The following ZDHHC14 variants were observed in gnomAD, a reference collection of about 807,000 sequenced individuals.
ZDHHC14 encodes zDHHC palmitoyltransferase 14.
Under a neutral mutation model 47.7 loss-of-function variants are expected in ZDHHC14, and 16 were observed. The ratio of observed to expected loss-of-function variants is 0.34; its 90% CI spans 0.23 to 0.51. The LOEUF is 0.51. ZDHHC14 is among the 20% of genes least tolerant of loss of function. ZDHHC14 has a pLI of 0.97. For missense variants in ZDHHC14, 515 were observed against 662.5 expected, an observed-to-expected ratio of 0.78 and a Z score of 2.44; for synonymous variants, 293 against 278.9, an observed-to-expected ratio of 1.05 and a Z score of -0.50.
intron 1 of ZDHHC14, among the ~76,000 whole-genome samples, chr6:157,483,328 T>A (rs1779678391): frequency 6.6e-6 from 1 of 152,212 alleles, no homozygotes; most frequent in Non-Finnish European, 1.5e-5. Flanking sequence ...TCTTGTTTTT[T>A]GCAAAAGATT....
At chr6:157,595,802 G>T (rs1177084790) in intron 3 of ZDHHC14, among the ~76,000 whole-genome samples, 1 of 152,166 alleles carries the variant, frequency 6.6e-6, no homozygotes, top group Non-Finnish European at 1.5e-5. Context: ...TAATAGGCCA[G>T]GAGCCAGGCC....
chr6:157,454,339 T>C (rs1778865714), intron 1 of ZDHHC14, among the ~76,000 whole-genome samples: 1 of 152,230 alleles, frequency 6.6e-6, no homozygotes, highest in South Asian at 2.1e-4. Flanking sequence ...TCTTCTAACA[T>C]CAAGGAGTAA....
chr6:157,390,778 G>A (rs894260817), intron 1 of ZDHHC14, among the ~76,000 whole-genome samples: 6 of 152,158 alleles, frequency 3.9e-5, no homozygotes, highest in Middle Eastern at 3.4e-3. Flanking sequence ...GTTCATGGTT[G>A]TGTTAATATT....
At chr6:157,416,972 G>GTTTTTTTTGTTTTTTTTTTT (rs1777988938) in intron 1 of ZDHHC14, among the ~76,000 whole-genome samples, 1 of 45,560 alleles carries the variant, frequency 2.2e-5, no homozygotes, top group African/African-American at 1.1e-4. Flanking sequence ...TGCCTGGCTA[G>GTTTTTTTTGTTTTTTTTTTT]TTTTTTTTTT....
At chr6:157,382,955 A>C (rs1777243721) in intron 1 of ZDHHC14, among the ~76,000 whole-genome samples, 1 of 152,254 alleles carries the variant, frequency 6.6e-6, no homozygotes, top group South Asian at 2.1e-4. Context: ...GGAACATGTG[A>C]AAGGAGACCT....
chr6:157,613,771 A>G (rs899416554), intron 3 of ZDHHC14, among the ~76,000 whole-genome samples: 1 of 152,196 alleles, frequency 6.6e-6, no homozygotes, highest in African/African-American at 2.4e-5. Flanking sequence ...CCTGGGGCCT[A>G]GGAATAGGCT....
chr6:157,550,453 G>A (rs34421429), intron 2 of ZDHHC14, among the ~76,000 whole-genome samples: 4,557 of 132,526 alleles, frequency 0.034, 110 homozygotes, highest in Middle Eastern at 0.071. Flanking sequence ...GAGAGACCAC[G>A]GCATCACACA....
intron 1 of ZDHHC14, among the ~76,000 whole-genome samples, chr6:157,542,243 G>T (rs556543848): frequency 1.3e-5 from 2 of 152,178 alleles, no homozygotes; most frequent in Non-Finnish European, 2.9e-5. Context: ...CTCCCGAACC[G>T]TGTTTACAGC....
At position 157,586,840 on chromosome 6, in the gene ZDHHC14, C is replaced by T. The variant is rs992936319; in HGVS notation, c.407-6148C>T. Among the ~76,000 whole-genome samples, 1 of 152,172 alleles carries T rather than the reference C, an allele frequency of 6.6e-6. No homozygotes were observed. The highest frequency in any genetic ancestry group is 2.4e-5 in the African/African-American group (1 of 41,438). ...TATTTAGTCAAAGAGTTTTGGGTTT[C>T]GGTTTAATTCTTAAGCTTCAGTTTA... is the stretch of plus-strand genomic sequence containing the variant. On this transcript the variant is annotated intron_variant, in intron 2 of 8. Transcript: ENST00000359775. The surrounding 1 kb of genome is among the most constrained non-coding windows in gnomAD (Gnocchi z 4.6).
chr6:157,611,422 G>GA (rs200985257), intron 3 of ZDHHC14, among the ~76,000 whole-genome samples: 2,811 of 152,276 alleles, frequency 0.018, 36 homozygotes, highest in Non-Finnish European at 0.022. Context: ...AACTGTTTAT[G>GA]ACAAAAGAGT....
At chr6:157,579,301 C>T (rs893374561) in intron 2 of ZDHHC14, among the ~76,000 whole-genome samples, 4 of 145,310 alleles carry the variant, frequency 2.8e-5, no homozygotes, top group Admixed American at 2.2e-4. Flanking sequence ...GGGTTCATGC[C>T]ATTCTCCTGC....
chr6:157,628,659 T>G, intron 4 of ZDHHC14, 173 bp downstream of exon 4: 1 of 792,474 alleles, frequency 1.3e-6, no homozygotes, highest in Non-Finnish European at 2.0e-6. Context: ...CCCTCCTCCA[T>G]CCCTCCTCCG....
chr6:157,506,267 T>C (rs575236355), intron 1 of ZDHHC14, among the ~76,000 whole-genome samples: 1 of 152,346 alleles, frequency 6.6e-6, no homozygotes, highest in African/African-American at 2.4e-5. Context: ...CAGCCAGCGG[T>C]TACTACATTA....
At position 157,673,252 on chromosome 6, in the gene ZDHHC14, A is replaced by T; in HGVS notation, c.*130A>T. ...GAGATGACAGCCCCAGGTCTGGGGT[A>T]CAGAGACCACTTAGGATGGCACAGG... is the stretch of plus-strand genomic sequence containing the variant. On this transcript the variant is annotated 3_prime_UTR_variant, in exon 9 of 9. Transcript: ENST00000359775. This position sits in a 1 kb window ranked among gnomAD's most constrained non-coding sequence, Gnocchi z 5.4. 1.6e-6 allele frequency: 2 copies of T among 1,278,272 alleles called. No homozygotes were observed. The highest frequency in any genetic ancestry group is 2.1e-6 in the Non-Finnish European group (2 of 967,838). The allele number at this position is 1,278,272 out of a possible 1,614,324, so 79.2% of individuals were successfully genotyped here. A position where few individuals can be genotyped will look rare whatever the true frequency, so the allele number is the denominator to read the frequency against.
chr6:157,485,733 G>A (rs531653101), intron 1 of ZDHHC14, among the ~76,000 whole-genome samples: 23 of 150,086 alleles, frequency 1.5e-4, no homozygotes, highest in East Asian at 5.9e-4. Context: ...TTCTAAGGCC[G>A]GGTGCAGTGG....
At chr6:157,461,350 T>G (rs1779082797) in intron 1 of ZDHHC14, among the ~76,000 whole-genome samples, 1 of 152,202 alleles carries the variant, frequency 6.6e-6, no homozygotes, top group Non-Finnish European at 1.5e-5. Flanking sequence ...TTGTTCCTCT[T>G]GGTTGAATAA....
At chr6:157,521,049 A>G (rs139469982) in intron 1 of ZDHHC14, among the ~76,000 whole-genome samples, 5,848 of 152,340 alleles carry the variant, frequency 0.038, 174 homozygotes, top group Non-Finnish European at 0.063. Flanking sequence ...TAACTGCCCT[A>G]TGTGTTTACC....
At chr6:157,629,834 G>A (rs1218152666) in intron 4 of ZDHHC14, 1 of 152,092 alleles carries the variant, frequency 6.6e-6, no homozygotes, top group African/African-American at 2.4e-5. Flanking sequence ...AATGTGGCTA[G>A]GGTCCTATCT....
chr6:157,492,235 A>C (rs2114728916), intron 1 of ZDHHC14, among the ~76,000 whole-genome samples: 5 of 113,896 alleles, frequency 4.4e-5, no homozygotes, highest in Non-Finnish European at 1.7e-5. Flanking sequence ...CTCCCTGTGC[A>C]CTCTGGAGTC....
Sources: allele counts gnomAD v4.1 joint callset (sites outside exome capture counted in the v4.1 genomes callset), GRCh38; gene constraint gnomAD v4.1.1; non-coding constraint Gnocchi (gnomAD v3.1); transcripts MANE v1.5; gene names NCBI Gene and HGNC (gene_info 2026-07-23, HGNC 2026-07-21).